ACADL: variants seen among roughly 807,000 people sequenced by gnomAD.
The protein encoded by ACADL is long-chain specific acyl-CoA dehydrogenase, mitochondrial.
ACADL carries 60 observed loss-of-function variants against 56.9 expected under a neutral mutation model. The ratio of observed to expected loss-of-function variants is 1.05; its 90% CI spans 0.86 to 1.31. ACADL has a LOEUF of 1.31. Ranked by LOEUF, ACADL falls within the 50% of genes most tolerant of loss-of-function variation. ACADL has a pLI of 0.00. For missense variants in ACADL, 484 were observed against 525.5 expected (o/e 0.92, Z 0.77); for synonymous variants, 158 against 179.7 (o/e 0.88, Z 0.97).
chr2:210,210,732 GCC>G (rs1467017032), intron 4 of ACADL, among the ~76,000 whole-genome samples: 2 of 152,166 alleles, frequency 1.3e-5, no homozygotes, highest in Non-Finnish European at 2.9e-5. Flanking sequence ...GACTGCTTGA[GCC>G]CGGGAGTTTG....
chr2:210,225,340 G>T lies in ACADL; in HGVS notation c.-77C>A. 1 of 1,469,176 alleles carries T rather than the reference G, an allele frequency of 6.8e-7. No individual in the cohort carries two copies. Among genetic ancestry groups the T allele is most frequent in the South Asian group, 1.2e-5 (1 of 81,496 alleles). The allele number at this position is 1,469,176 out of a possible 1,614,324, so 91.0% of individuals were successfully genotyped here. On this transcript the variant is annotated 5_prime_UTR_variant, in exon 1 of 11. Coordinates refer to ENST00000233710, the MANE Select transcript of ACADL (RefSeq NM_001608.4). ...GCGACTCGGGGCAGGGTCCCCGGGA[G>T]GGAGGACGATCAGCTGAGGCGTCCA...
intron 4 of ACADL, among the ~76,000 whole-genome samples, chr2:210,215,954 T>TG (rs1165860734): frequency 6.6e-6 from 1 of 152,216 alleles, no homozygotes; most frequent in Non-Finnish European, 1.5e-5. Context: ...ACTGAATATG[T>TG]GATCTTATTC....
At position 210,216,509 on chromosome 2, in the gene ACADL, G is replaced by C; in HGVS notation, c.374C>G (p.Ala125Gly). 1 of 1,612,630 alleles carries C rather than the reference G, an allele frequency of 6.2e-7. No individual in the cohort carries two copies. The highest frequency in any genetic ancestry group is 8.5e-7 in the Non-Finnish European group (1 of 1,179,160). Reference sequence around the variant, plus strand: ...ACCTGGGCCTGAACAATTTGAATAAGCTCTTAGAATGAAAAAAGAAGAAAA... The same window carrying C: ...ACCTGGGCCTGAACAATTTGAATAACCTCTTAGAATGAAAAAAGAAGAAAA... Reference protein sequence around the residue: ...YSAAIVWEEQAYSNCSGPGFS... With the variant: ...YSAAIVWEEQGYSNCSGPGFS... Residue 125 changes from alanine (A) to glycine (G), a missense_variant and splice_region_variant, in exon 4 of 11, where the codon GCT becomes GGT. Coordinates refer to ENST00000233710, the MANE Select transcript of ACADL (RefSeq NM_001608.4).
At chr2:210,211,627 A>G (rs1688981160) in intron 4 of ACADL, among the ~76,000 whole-genome samples, 1 of 152,090 alleles carries the variant, frequency 6.6e-6, no homozygotes, top group Non-Finnish European at 1.5e-5. Flanking sequence ...CTGGCCATGT[A>G]GGACATGACT....
At chr2:210,206,323 C>G (rs1487763560) in intron 5 of ACADL, among the ~76,000 whole-genome samples, 3 of 151,944 alleles carry the variant, frequency 2.0e-5, no homozygotes, top group Non-Finnish European at 2.9e-5. Flanking sequence ...CCAAGCTACT[C>G]AGGAAGCTGA....
Position 210,203,230 on chromosome 2 carries a change from A to G in ACADL, c.984+101T>C, listed in dbSNP as rs932286656. 7.4e-5 allele frequency: 59 copies of G among 796,932 alleles called. No homozygotes were observed. In the Admixed American group the frequency reaches 1.2e-3, roughly 16 times the overall value. The allele number at this position is 796,932 out of a possible 1,614,324, so 49.4% of individuals were successfully genotyped here. On this transcript the variant is annotated intron_variant, in intron 8 of 10. Transcript: ENST00000233710. ...CTCATCCACTTCCATGGTTTCTAATATCACCTTACATGAAAATAACTCCAA... is the reference window on the plus strand; with the variant it reads ...CTCATCCACTTCCATGGTTTCTAATGTCACCTTACATGAAAATAACTCCAA...
At position 210,189,662 on chromosome 2, in the gene ACADL, A is replaced by G. The variant is rs116282254; in HGVS notation, c.1200-608T>C. On this transcript the variant is annotated intron_variant, in intron 10 of 10. Transcript: ENST00000233710. The stretch of plus-strand genomic sequence containing the variant: ...GTCCATTGCTATACCCACACCAAAG[A>G]AAAAAAAAACCCAAATATCATAAGT... Among the ~76,000 whole-genome samples the G allele has an allele frequency of 3.0e-3, 445 of 149,308 alleles. 1 individual carries two copies. The highest frequency in any genetic ancestry group is 9.9e-3 in the African/African-American group (405 of 40,868).
At chr2:210,203,937 A>T (rs916493931) in intron 7 of ACADL, among the ~76,000 whole-genome samples, 8 of 152,224 alleles carry the variant, frequency 5.3e-5, no homozygotes, top group South Asian at 2.1e-4. Flanking sequence ...CAATTTATTA[A>T]TCTCTGCACA....
intron 1 of ACADL, among the ~76,000 whole-genome samples, chr2:210,222,778 CAG>C (rs1166414058): frequency 6.6e-6 from 1 of 152,170 alleles, no homozygotes; most frequent in African/African-American, 2.4e-5. Flanking sequence ...GAAGAGATAA[CAG>C]GGGACCAGGA....
chr2:210,189,314 G>A (rs1367535395), intron 10 of ACADL, among the ~76,000 whole-genome samples: 1 of 151,960 alleles, frequency 6.6e-6, no homozygotes, highest in East Asian at 1.9e-4. Context: ...TAATGAGTAT[G>A]TTTCATCTGA....
intron 4 of ACADL, among the ~76,000 whole-genome samples, chr2:210,214,513 G>GAA (rs1553691053): frequency 4.1e-5 from 6 of 147,834 alleles, no homozygotes; most frequent in African/African-American, 1.3e-4. Context: ...GAAAGAAAAA[G>GAA]AAAGAAAGAA....
chr2:210,218,222 C>T (rs557034528), intron 2 of ACADL, 120 bp from the exon 3 acceptor site: 2 of 876,764 alleles, frequency 2.3e-6, no homozygotes, highest in South Asian at 1.5e-5. Context: ...TAGTTATTTA[C>T]ATTAGCCATA....
intron 3 of ACADL, chr2:210,216,721 A>G (rs958303663): frequency 2.7e-5 from 14 of 518,336 alleles, no homozygotes; most frequent in Non-Finnish European, 4.8e-5. Context: ...CCAGAGTTCA[A>G]TGAACACTTA....
intron 9 of ACADL, among the ~76,000 whole-genome samples, chr2:210,194,762 A>G (rs1444225939): frequency 1.3e-5 from 2 of 152,158 alleles, no homozygotes; most frequent in African/African-American, 4.8e-5. Context: ...GGATGGAATT[A>G]AGTTTAATTA....
chr2:210,208,344 G>A (rs537072080), intron 5 of ACADL, among the ~76,000 whole-genome samples: 1 of 152,296 alleles, frequency 6.6e-6, no homozygotes, highest in African/African-American at 2.4e-5. Context: ...TATAGCAAAG[G>A]ATTAATAAAA....
At chr2:210,195,985 C>T (rs1029510885) in intron 8 of ACADL, among the ~76,000 whole-genome samples, 2 of 152,078 alleles carry the variant, frequency 1.3e-5, no homozygotes, top group African/African-American at 4.8e-5. Flanking sequence ...TGGCTCTGTC[C>T]CTACCCAAAT....
At chr2:210,191,450 C>A (rs1688631656) in intron 10 of ACADL, among the ~76,000 whole-genome samples, 1 of 152,006 alleles carries the variant, frequency 6.6e-6, no homozygotes, top group African/African-American at 2.4e-5. Context: ...AGGCTTATGC[C>A]ACGCTCTAAT....
chr2:210,205,606 T>C, intron 6 of ACADL, 26 bp downstream of exon 6: 1 of 1,610,068 alleles, frequency 6.2e-7, no homozygotes, highest in Non-Finnish European at 8.5e-7. Flanking sequence ...AATTAGTATC[T>C]GAATATGATT....
At chr2:210,224,480 C>G in intron 1 of ACADL, 1 of 985,332 alleles carries the variant, frequency 1.0e-6, no homozygotes, top group Non-Finnish European at 1.2e-6. Flanking sequence ...TTTGTTTACC[C>G]AGTGAATAGA....
Sources: allele counts gnomAD v4.1 joint callset (sites outside exome capture counted in the v4.1 genomes callset), GRCh38; gene constraint gnomAD v4.1.1; transcripts MANE v1.5; gene names NCBI Gene and HGNC (gene_info 2026-07-23, HGNC 2026-07-21).